Variants in CRISPLD1 observed in about 807,000 individuals in gnomAD.
CRISPLD1 encodes cysteine rich secretory protein LCCL domain containing 1.
In CRISPLD1, 60 loss-of-function variants were observed where a neutral mutation model predicts 77.5. That is an observed-to-expected ratio of 0.77 (90% CI 0.63 to 0.96). CRISPLD1 has a LOEUF of 0.96. Among genes scored for constraint, CRISPLD1 ranks in the 40% least tolerant of loss-of-function variants. The pLI, the probability that CRISPLD1 is intolerant of heterozygous loss-of-function variation, is 0.00. For synonymous variants in CRISPLD1, 195 were observed against 200.1 expected (o/e 0.97, Z 0.22); for missense variants, 623 against 615.8 (o/e 1.01, Z -0.12).
chr8:75,011,839 T>C (rs1812936632), intron 2 of CRISPLD1, among the ~76,000 whole-genome samples: 1 of 152,114 alleles, frequency 6.6e-6, no homozygotes, highest in Admixed American at 6.6e-5. Context: ...ATTTACAGTC[T>C]CATGAAAAAG....
chr8:74,999,008 C>T (rs1009133572), intron 2 of CRISPLD1, among the ~76,000 whole-genome samples: 1 of 152,008 alleles, frequency 6.6e-6, no homozygotes, highest in Non-Finnish European at 1.5e-5. Context: ...GTTTGGGGCT[C>T]ATATTGCAGA....
At chr8:75,013,798 C>G (rs1424009341) in intron 4 of CRISPLD1, among the ~76,000 whole-genome samples, 189 bp from the exon 5 acceptor site, 1 of 152,106 alleles carries the variant, frequency 6.6e-6, no homozygotes, top group Non-Finnish European at 1.5e-5. Flanking sequence ...TTCTGTAGCT[C>G]TGTTTTTAAA....
In CRISPLD1 at chr8:74,984,793, A is replaced by C. The variant is rs1812470833; in HGVS notation, c.-190A>C. ...CAGTCAGCACCCACGTCGCCCCCGG[A>C]CGCTCGGTGCTCAGGCCCTTCGCGA... On this transcript the variant is annotated 5_prime_UTR_variant, in exon 1 of 15. Coordinates refer to ENST00000262207, the MANE Select transcript of CRISPLD1 (RefSeq NM_031461.6). The C allele has an allele frequency of 6.6e-6, 1 of 152,178 alleles. No individual in the cohort carries two copies. The highest frequency in any genetic ancestry group is 1.5e-5 in the Non-Finnish European group (1 of 68,058). The allele number at this position is 152,178 out of a possible 1,614,324, so 9.4% of individuals were successfully genotyped here. A position where few individuals can be genotyped will look rare whatever the true frequency, so the allele number is the denominator to read the frequency against.
At chr8:75,028,261 A>G (rs1813269093) in intron 13 of CRISPLD1, among the ~76,000 whole-genome samples, 1 of 152,188 alleles carries the variant, frequency 6.6e-6, no homozygotes, top group Non-Finnish European at 1.5e-5. Context: ...AAAGGATTAA[A>G]CAGCTTGGCA....
At chr8:74,998,280 C>A (rs536169354) in intron 2 of CRISPLD1, among the ~76,000 whole-genome samples, 1 of 152,072 alleles carries the variant, frequency 6.6e-6, no homozygotes, top group South Asian at 2.1e-4. Flanking sequence ...GAGGATAGGA[C>A]ATTATGAAAA....
Position 75,008,541 on chromosome 8 carries a change from T to TG in CRISPLD1, c.259-3891dup, listed in dbSNP as rs1251422999. The stretch of plus-strand genomic sequence containing the variant: ...GTTTTTAAGACTTGATTTGTATTAT[T>TG]GAACTTGACCTAAACAGGTATGCTT... On this transcript the variant is annotated intron_variant, in intron 2 of 14. Transcript: ENST00000262207. Among the ~76,000 whole-genome samples, 3 of 152,320 alleles carry TG rather than the reference T, an allele frequency of 2.0e-5. No individual in the cohort carries two copies. The East Asian group carries it at 5.8e-4, about 29-fold the overall frequency.
At chr8:75,004,331 A>C (rs969737067) in intron 2 of CRISPLD1, among the ~76,000 whole-genome samples, 2 of 152,216 alleles carry the variant, frequency 1.3e-5, no homozygotes, top group Admixed American at 1.3e-4. Context: ...TAAGGAATGC[A>C]ATACAGCTGC....
At chr8:75,014,135 A>AT in intron 5 of CRISPLD1, 33 bp downstream of exon 5, 1 of 1,343,722 alleles carries the variant, frequency 7.4e-7, no homozygotes, top group Non-Finnish European at 1.1e-6. Context: ...TCAGATGTAC[A>AT]TTTTTCTTAA....
In CRISPLD1 at chr8:75,010,288, T is replaced by A. The variant is rs992214576; in HGVS notation, c.259-2145T>A. Among the ~76,000 whole-genome samples the A allele has an allele frequency of 7.2e-5, 11 of 152,144 alleles. No individual in the cohort carries two copies. The South Asian group carries it at 8.3e-4, about 11-fold the overall frequency. On this transcript the variant is annotated intron_variant, in intron 2 of 14. Transcript: ENST00000262207. ...AAATTATATGAATGAATTAGGAATC[T>A]TCTTCTCCTCAAACATACATTTCTT... is the stretch of plus-strand genomic sequence containing the variant.
chr8:74,985,872 G>C, intron 1 of CRISPLD1, 54 bp from the exon 2 acceptor site: 1 of 1,222,646 alleles, frequency 8.2e-7, no homozygotes, highest in Non-Finnish European at 1.1e-6. Flanking sequence ...CGTGTTATTA[G>C]AAAATTCATA....
chr8:75,032,349 C>T lies in CRISPLD1; in HGVS notation c.*107C>T, dbSNP rs566483401. On this transcript the variant is annotated 3_prime_UTR_variant, in exon 15 of 15. Coordinates refer to ENST00000262207, the MANE Select transcript of CRISPLD1 (RefSeq NM_031461.6). ...TACAGAGTACATCAACTATTTTCAGCCCAAAAAGGTGCCAAATGCATATAA... is the reference window on the plus strand; with the variant it reads ...TACAGAGTACATCAACTATTTTCAGTCCAAAAAGGTGCCAAATGCATATAA... 27 of 709,640 alleles carry T rather than the reference C, an allele frequency of 3.8e-5. No homozygotes were observed. Among genetic ancestry groups the T allele is most frequent in the African/African-American group, 5.5e-5 (3 of 54,230 alleles). The allele number at this position is 709,640 out of a possible 1,614,324, so 44.0% of individuals were successfully genotyped here. A position where few individuals can be genotyped will look rare whatever the true frequency, so the allele number is the denominator to read the frequency against.
chr8:75,001,985 T>G (rs897146719), intron 2 of CRISPLD1, among the ~76,000 whole-genome samples: 3 of 152,166 alleles, frequency 2.0e-5, no homozygotes, highest in Non-Finnish European at 4.4e-5. Flanking sequence ...TACATATATA[T>G]GTATGTTAGT....
intron 12 of CRISPLD1, among the ~76,000 whole-genome samples, chr8:75,023,791 CGTGTGTGTGTGT>C (rs892160096): frequency 1.5e-5 from 1 of 67,630 alleles, no homozygotes; most frequent in African/African-American, 8.5e-5. Flanking sequence ...GTGATGAGTG[CGTGTGTGTGTGT>C]GTGTGTGTGA....
Sources: allele counts gnomAD v4.1 joint callset (sites outside exome capture counted in the v4.1 genomes callset), GRCh38; gene constraint gnomAD v4.1.1; transcripts MANE v1.5; gene names NCBI Gene and HGNC (gene_info 2026-07-23, HGNC 2026-07-21).